Variants in RNF150 observed in about 807,000 individuals in gnomAD.
RNF150 encodes ring finger protein 150.
RNF150 carries 24 observed loss-of-function variants against 39.3 expected under a neutral mutation model. The observed-to-expected ratio is 0.61, with a 90% CI of 0.44 to 0.86. The LOEUF (loss-of-function observed/expected upper bound fraction) is 0.86. RNF150 is among the 40% of genes least tolerant of loss of function. The pLI is 0.00. For missense variants in RNF150, 502 were observed against 587.8 expected, an observed-to-expected ratio of 0.85 and a Z score of 1.51; for synonymous variants, 255 against 227.3, an observed-to-expected ratio of 1.12 and a Z score of -1.10.
At chr4:141,117,628 C>T (rs1316915551) in intron 1 of RNF150, among the ~76,000 whole-genome samples, 3 of 152,200 alleles carry the variant, frequency 2.0e-5, no homozygotes, top group Admixed American at 6.5e-5. Flanking sequence ...ATACATTTCT[C>T]AGAATATGTC....
At chr4:141,041,928 A>C (rs558730901) in intron 1 of RNF150, among the ~76,000 whole-genome samples, 1 of 152,044 alleles carries the variant, frequency 6.6e-6, no homozygotes, top group Non-Finnish European at 1.5e-5. Flanking sequence ...AAAATATATA[A>C]TCTAATTTAT....
chr4:140,912,715 C>A (rs1459906356), intron 5 of RNF150, among the ~76,000 whole-genome samples: 1 of 152,132 alleles, frequency 6.6e-6, no homozygotes, highest in Non-Finnish European at 1.5e-5. Context: ...TTATTCATTT[C>A]TTTCCTGTAT....
At chr4:140,886,375 TAAATA>T (rs954905666) in intron 6 of RNF150, among the ~76,000 whole-genome samples, 7 of 151,842 alleles carry the variant, frequency 4.6e-5, no homozygotes, top group African/African-American at 1.5e-4. Flanking sequence ...AAACAGGAAA[TAAATA>T]AGAAAAGCTG....
intron 1 of RNF150, among the ~76,000 whole-genome samples, chr4:141,091,086 G>C (rs1260196004): frequency 6.6e-6 from 1 of 152,164 alleles, no homozygotes; most frequent in Non-Finnish European, 1.5e-5. Flanking sequence ...AAATAGTAAA[G>C]GCGATTGAGG....
chr4:141,004,223 T>A (rs1734782428), intron 1 of RNF150, among the ~76,000 whole-genome samples: 1 of 142,858 alleles, frequency 7.0e-6, no homozygotes, highest in South Asian at 2.2e-4. Context: ...GAAGAACAGA[T>A]GTTAGTAAAA....
At chr4:141,051,203 C>A (rs1736764219) in intron 1 of RNF150, among the ~76,000 whole-genome samples, 1 of 152,152 alleles carries the variant, frequency 6.6e-6, no homozygotes, top group Non-Finnish European at 1.5e-5. Flanking sequence ...CTAGACTGCA[C>A]ACAGCATGGC....
chr4:141,201,027 A>T (rs1275307974), intron 1 of RNF150, among the ~76,000 whole-genome samples: 1 of 152,102 alleles, frequency 6.6e-6, no homozygotes, highest in Non-Finnish European at 1.5e-5. Context: ...CACAGAAACC[A>T]GAGGATGACA....
intron 1 of RNF150, among the ~76,000 whole-genome samples, chr4:141,111,044 G>A (rs972327075): frequency 2.0e-5 from 3 of 152,032 alleles, no homozygotes; most frequent in East Asian, 1.9e-4. Flanking sequence ...GAAGAGCCAT[G>A]TCCTAAGAGT....
chr4:140,865,052 G>A lies in RNF150; in HGVS notation c.*3209C>T, dbSNP rs1728646620. ...GTCGGGGGATCTTGTGAGAATACTG[G>A]AGGAACTCTAGACCTGCATTGTCCA... On this transcript the variant is annotated 3_prime_UTR_variant, in exon 7 of 7. Transcript: ENST00000515673. The A allele has an allele frequency of 6.6e-6, 1 of 152,094 alleles. No homozygotes were observed. 9.4% of individuals were successfully genotyped at this position (152,094 alleles called of 1,614,324 possible).
intron 1 of RNF150, among the ~76,000 whole-genome samples, chr4:141,199,620 A>C (rs1728257086): frequency 6.6e-6 from 1 of 152,194 alleles, no homozygotes; most frequent in Non-Finnish European, 1.5e-5. Flanking sequence ...GTATGATCTC[A>C]TTTATGCAGC....
At chr4:141,135,380 G>A (rs114307200), upstream of RNF150, among the ~76,000 whole-genome samples, 5,083 of 152,274 alleles carry the variant, frequency 0.033, 122 homozygotes, top group Non-Finnish European at 0.055. Context: ...CTGACACTGG[G>A]AAAGTACAGA....
At chr4:141,031,318 G>C (rs989167972) in intron 1 of RNF150, among the ~76,000 whole-genome samples, 1 of 151,902 alleles carries the variant, frequency 6.6e-6, no homozygotes, top group Non-Finnish European at 1.5e-5. Flanking sequence ...AGAAAACATG[G>C]GGAAAACTTC....
At chr4:141,119,183 C>A (rs1490508611) in intron 1 of RNF150, among the ~76,000 whole-genome samples, 2 of 152,188 alleles carry the variant, frequency 1.3e-5, no homozygotes, top group African/African-American at 4.8e-5. Flanking sequence ...TCTCATAGTT[C>A]TCTCATTGCT....
intron 6 of RNF150, among the ~76,000 whole-genome samples, chr4:140,882,703 T>A (rs1729422159): frequency 6.6e-6 from 1 of 152,194 alleles, no homozygotes; most frequent in Non-Finnish European, 1.5e-5. Flanking sequence ...GACAGTTGTT[T>A]ACTTAGTCTA....
intron 6 of RNF150, among the ~76,000 whole-genome samples, chr4:140,893,112 C>A (rs1342850314): frequency 6.6e-6 from 1 of 151,968 alleles, no homozygotes; most frequent in Non-Finnish European, 1.5e-5. Context: ...ACCATGACCA[C>A]CCCCCGGCCT....
At chr4:141,060,878 C>CA (rs1737193834) in intron 1 of RNF150, among the ~76,000 whole-genome samples, 1 of 152,126 alleles carries the variant, frequency 6.6e-6, no homozygotes, top group Non-Finnish European at 1.5e-5. Context: ...TCTAAGCAAA[C>CA]AACCCAAGAA....
chr4:141,109,627 A>G (rs1739323089), intron 1 of RNF150, among the ~76,000 whole-genome samples: 1 of 152,140 alleles, frequency 6.6e-6, no homozygotes, highest in African/African-American at 2.4e-5. Context: ...AAGACAGTAT[A>G]CGGCAGATCC....
intron 5 of RNF150, among the ~76,000 whole-genome samples, chr4:140,917,421 C>A (rs1029600722): frequency 2.6e-5 from 4 of 152,014 alleles, no homozygotes; most frequent in Non-Finnish European, 5.9e-5. Context: ...TTTAAACCAA[C>A]AAAGATCAAA....
chr4:141,017,334 T>C (rs1420865074), intron 1 of RNF150, among the ~76,000 whole-genome samples: 4 of 152,106 alleles, frequency 2.6e-5, no homozygotes, highest in East Asian at 1.9e-4. Context: ...ATATAATTTA[T>C]TTTTTTAGAG....
Sources: gnomAD v4.1 joint callset for allele counts (sites outside exome capture counted in the v4.1 genomes callset) on GRCh38, gnomAD v4.1.1 for gene constraint, MANE v1.5 for transcripts, NCBI Gene and HGNC (gene_info 2026-07-23, HGNC 2026-07-21) for gene names.